The following GHR variants were observed in gnomAD, a reference collection of about 807,000 sequenced individuals.
The protein encoded by GHR is growth hormone receptor.
GHR carries 35 observed loss-of-function variants against 67.1 expected under a neutral mutation model. The observed-to-expected ratio is 0.52, with a 90% confidence interval of 0.40 to 0.69. The LOEUF is 0.69. GHR is among the 30% of genes least tolerant of loss of function. GHR has a pLI of 0.00. For missense variants in GHR, 792 were observed against 764.6 expected, an observed-to-expected ratio of 1.04 and a Z score of -0.42; for synonymous variants, 272 against 269.1, an observed-to-expected ratio of 1.01 and a Z score of -0.10.
At chr5:42,716,912 AC>A (rs1172102148) in intron 8 of GHR, among the ~76,000 whole-genome samples, 1 of 152,234 alleles carries the variant, frequency 6.6e-6, no homozygotes, top group Middle Eastern at 3.2e-3. Flanking sequence ...CCTCTTCATG[AC>A]AGTGTCATCT....
At chr5:42,456,303 C>G (rs571221516) in intron 1 of GHR, among the ~76,000 whole-genome samples, 1 of 152,240 alleles carries the variant, frequency 6.6e-6, no homozygotes, top group Non-Finnish European at 1.5e-5. Context: ...GAGCGAGACT[C>G]CGTCTCAAAA....
intron 1 of GHR, among the ~76,000 whole-genome samples, chr5:42,495,974 A>C (rs1054027954): frequency 1.3e-5 from 2 of 152,154 alleles, no homozygotes; most frequent in African/African-American, 4.8e-5. Flanking sequence ...AGTAGGACTG[A>C]GCTTTCTTGA....
chr5:42,602,383 C>G (rs531600140), intron 2 of GHR, among the ~76,000 whole-genome samples: 1 of 152,154 alleles, frequency 6.6e-6, no homozygotes, highest in East Asian at 1.9e-4. Flanking sequence ...CCATCACTTA[C>G]CTTTTACTGT....
Position 42,424,956 on chromosome 5 carries a change from T to A in GHR, c.-12+1001T>A, listed in dbSNP as rs867112763. 1 of 979,332 alleles carries A rather than the reference T, an allele frequency of 1.0e-6. No individual in the cohort carries two copies. The highest frequency in any genetic ancestry group is 4.7e-5 in the South Asian group (1 of 21,184). The allele number at this position is 979,332 out of a possible 1,614,324, so 60.7% of individuals were successfully genotyped here. Reference sequence around the variant, plus strand: ...GGAGGCGTGTCGGCGCCTGAGCCAGTAGGGTGTGCAGGGTGGAAGAGGCCA... The same window carrying A: ...GGAGGCGTGTCGGCGCCTGAGCCAGAAGGGTGTGCAGGGTGGAAGAGGCCA... On this transcript the variant is annotated intron_variant, in intron 1 of 9. Transcript: ENST00000230882. The surrounding 1 kb of genome is among the most constrained non-coding windows in gnomAD (Gnocchi z 4.1).
intron 1 of GHR, chr5:42,467,571 GTTT>G: frequency 6.4e-7 from 1 of 1,569,654 alleles, no homozygotes; most frequent in Non-Finnish European, 8.7e-7. Flanking sequence ...CTAAGGAGAG[GTTT>G]TTTTGATATA....
At chr5:42,672,067 C>T (rs534650863) in intron 3 of GHR, among the ~76,000 whole-genome samples, 23 of 152,020 alleles carry the variant, frequency 1.5e-4, no homozygotes, top group East Asian at 5.8e-4. Flanking sequence ...AAACTGGAAG[C>T]GTTCCCCTTG....
intron 1 of GHR, among the ~76,000 whole-genome samples, chr5:42,500,522 G>T (rs768623457): frequency 1.3e-5 from 2 of 152,190 alleles, no homozygotes; most frequent in African/African-American, 4.8e-5. Flanking sequence ...CTCTACAGAG[G>T]GTGACACATA....
At chr5:42,648,655 T>C (rs1291764786) in intron 3 of GHR, among the ~76,000 whole-genome samples, 1 of 151,524 alleles carries the variant, frequency 6.6e-6, no homozygotes, top group East Asian at 1.9e-4. Flanking sequence ...CTGTTCTAAA[T>C]ATATAATAAC....
chr5:42,613,298 C>G (rs928476237), intron 2 of GHR, among the ~76,000 whole-genome samples: 2 of 152,166 alleles, frequency 1.3e-5, no homozygotes, highest in African/African-American at 4.8e-5. Flanking sequence ...CCAAGTTATC[C>G]TTGCTGCTGT....
chr5:42,597,867 G>A (rs1371848257), intron 2 of GHR, among the ~76,000 whole-genome samples: 2 of 152,172 alleles, frequency 1.3e-5, no homozygotes, highest in Admixed American at 1.3e-4. Context: ...GTGTTGGGGA[G>A]GGCACACTGA....
At chr5:42,435,733 G>A (rs925623843) in intron 1 of GHR, among the ~76,000 whole-genome samples, 1 of 152,140 alleles carries the variant, frequency 6.6e-6, no homozygotes, top group Non-Finnish European at 1.5e-5. Context: ...TTCTGTTCCA[G>A]GATTCAATCC....
intron 2 of GHR, among the ~76,000 whole-genome samples, chr5:42,570,839 G>A (rs55696942): frequency 0.36 from 54,502 of 152,068 alleles, 11,527 homozygotes; most frequent in African/African-American, 0.59. Flanking sequence ...TACTTTGTCA[G>A]TAATACTAGT....
chr5:42,609,631 C>G (rs1752791728), intron 2 of GHR, among the ~76,000 whole-genome samples: 1 of 152,066 alleles, frequency 6.6e-6, no homozygotes, highest in African/African-American at 2.4e-5. Context: ...GATGAAGTGT[C>G]CTCATTGATT....
chr5:42,600,210 G>A (rs1292135415), intron 2 of GHR, among the ~76,000 whole-genome samples: 2 of 152,202 alleles, frequency 1.3e-5, no homozygotes, highest in East Asian at 1.9e-4. Context: ...CTATGGCACA[G>A]TGGGATCTTC....
chr5:42,563,355 C>T (rs540311208), intron 1 of GHR, among the ~76,000 whole-genome samples: 2 of 152,112 alleles, frequency 1.3e-5, no homozygotes, highest in South Asian at 4.2e-4. Flanking sequence ...TGGCTCATAC[C>T]TGTAATCCCA....
rs577058152 is a variant in GHR, at chr5:42,692,619, T to A, written c.267-2298T>A. 8.9e-4 allele frequency among the ~76,000 whole-genome samples: 135 copies of A among 152,358 alleles called. 1 individual carries two copies. The highest frequency in any genetic ancestry group is 3.7e-3 in the Admixed American group (57 of 15,300). ...TGAACTAGCTGTTTCTGATCCATCA[T>A]GCTTAAAATAAATGCTCTGTTTGTC... On this transcript the variant is annotated intron_variant, in intron 4 of 9. Coordinates refer to ENST00000230882, the MANE Select transcript of GHR (RefSeq NM_000163.5).
At chr5:42,696,870 A>G (rs1186451876) in intron 5 of GHR, among the ~76,000 whole-genome samples, 1 of 152,218 alleles carries the variant, frequency 6.6e-6, no homozygotes, top group East Asian at 1.9e-4. Flanking sequence ...GTTCAAGTCA[A>G]ACAGCTAGTA....
chr5:42,683,578 T>C (rs1006080692), intron 3 of GHR, among the ~76,000 whole-genome samples: 2 of 152,108 alleles, frequency 1.3e-5, no homozygotes, highest in African/African-American at 4.8e-5. Flanking sequence ...ACAGGAATCA[T>C]TGGAGGCTAC....
chr5:42,466,174 G>A (rs976972652), intron 1 of GHR, among the ~76,000 whole-genome samples: 14 of 152,098 alleles, frequency 9.2e-5, no homozygotes, highest in East Asian at 1.9e-4. Context: ...TATAGCTGGC[G>A]TGTGGTGTCC....
Sources: gnomAD v4.1 joint callset for allele counts (sites outside exome capture counted in the v4.1 genomes callset) on GRCh38, gnomAD v4.1.1 for gene constraint, Gnocchi (gnomAD v3.1) non-coding constraint, MANE v1.5 for transcripts, NCBI Gene and HGNC (gene_info 2026-07-23, HGNC 2026-07-21) for gene names.